SMPD4: variants seen among roughly 807,000 people sequenced by gnomAD.
SMPD4 encodes the protein neutral sphingomyelinase 3.
A neutral mutation model predicts 97.8 loss-of-function variants in SMPD4; 58 were observed. The ratio of observed to expected loss-of-function variants is 0.59; its 90% confidence interval spans 0.48 to 0.74. The LOEUF is 0.74. Ranked by LOEUF, SMPD4 falls within the 30% of genes least tolerant of loss-of-function variation. The pLI, the probability that SMPD4 is intolerant of heterozygous loss-of-function variation, is 0.00. For synonymous variants in SMPD4, 388 were observed against 450.0 expected, an observed-to-expected ratio of 0.86 and a Z score of 1.74; for missense variants, 853 against 1,080.5, an observed-to-expected ratio of 0.79 and a Z score of 2.95.
At chr2:130,160,805 G>A (rs1165250260) in intron 11 of SMPD4, among the ~76,000 whole-genome samples, 5 of 152,048 alleles carry the variant, frequency 3.3e-5, no homozygotes, top group Admixed American at 6.6e-5. Context: ...CTTCCTAAGC[G>A]CCAGACCCTG....
rs1325049882 is a variant in SMPD4, at chr2:130,154,440, C to T, written c.1496G>A (p.Arg499His). The change falls in exon 16 of 20, where the codon CGC becomes CAC. Residue 499 changes from arginine to histidine, a missense_variant. Around this residue, in one of 3 missense-constraint regions of SMPD4, gnomAD observed 511 missense variants for 608.1 expected, o/e 0.84. Coordinates refer to ENST00000680298, the MANE Select transcript of SMPD4 (RefSeq NM_017951.5). ...GGGGGCCGTGAAGAGTCGGTGCTGG[C>T]GGTGGGGGATGACCAGCTCTGGCTC... is the stretch of plus-strand genomic sequence containing the variant. ...FLEPELVIPHRQHRLFTAPTF... is the reference protein window; with the variant it reads ...FLEPELVIPHHQHRLFTAPTF... The T allele has an allele frequency of 3.2e-6, 5 of 1,567,028 alleles. No individual in the cohort carries two copies. Among genetic ancestry groups the T allele is most frequent in the African/African-American group, 2.7e-5 (2 of 73,450 alleles).
intron 9 of SMPD4, 131 bp downstream of exon 9, chr2:130,167,327 G>T: frequency 1.6e-6 from 2 of 1,265,050 alleles, no homozygotes; most frequent in Non-Finnish European, 2.2e-6. Context: ...CACCATGCTG[G>T]CCAGGTTGGT....
intron 8 of SMPD4, 76 bp from the exon 9 acceptor site, chr2:130,167,666 G>A: frequency 6.7e-7 from 1 of 1,489,870 alleles, no homozygotes; most frequent in Admixed American, 2.2e-5. Context: ...GGGGCAATCT[G>A]GATATCAAAA....
Position 130,172,638 on chromosome 2 carries a change from A to C in SMPD4, c.494T>G (p.Leu165Arg). The C allele has an allele frequency of 1.9e-6, 3 of 1,614,200 alleles. No individual in the cohort carries two copies. The South Asian group carries it at 3.3e-5, about 18-fold the overall frequency. The change falls in exon 7 of 20, where the codon CTC (leucine) becomes CGC (arginine). Residue 165 changes from leucine (L) to arginine (R), a missense_variant. By Grantham distance (102) the Leu-to-Arg change is moderately radical. Coordinates refer to ENST00000680298, the MANE Select transcript of SMPD4 (RefSeq NM_017951.5). Reference protein sequence around the residue: ...EYYIFFFALSLITQKPLPVSL... With the variant: ...EYYIFFFALSRITQKPLPVSL... ...TCCCTTCCTTACCTTCTGAGTGATG[A>C]GGCTCAAGGCAAAGAAGAATATGTA...
At chr2:130,155,322 G>A in intron 14 of SMPD4, 63 bp from the exon 15 acceptor site, 1 of 1,596,484 alleles carries the variant, frequency 6.3e-7, no homozygotes, top group South Asian at 1.1e-5. Context: ...CTAATGCCCG[G>A]TCCGTGCCCC....
intron 11 of SMPD4, chr2:130,158,405 C>T: frequency 2.9e-6 from 1 of 348,444 alleles, no homozygotes; most frequent in Non-Finnish European, 5.2e-6. Context: ...GCAACCTCCG[C>T]CTCCAGGTTC....
In SMPD4 at chr2:130,172,355, G is replaced by A; in HGVS notation, c.653C>T (p.Pro218Leu). 6.3e-7 allele frequency: 1 copy of A among 1,588,736 alleles called. No homozygotes were observed. Among genetic ancestry groups the A allele is most frequent in the Non-Finnish European group, 8.6e-7 (1 of 1,167,002 alleles). Reference protein sequence around the residue: ...SSPGGTSPSPPPRTPAIPFAS... With the variant: ...SSPGGTSPSPLPRTPAIPFAS... ...TAACAAAGGGCAGCCTTACCTGGGA[G>A]GTGGTGAGGGGCTGGTCCCCCCTGG... The change falls in exon 8 of 20, where the codon CCT (proline) becomes CTT (leucine). Residue 218 changes from proline to leucine, a missense_variant. By Grantham distance (98) the Pro-to-Leu change is moderately conservative. Transcript: ENST00000680298.
At chr2:130,160,849 TGAG>T (rs1687329790) in intron 11 of SMPD4, among the ~76,000 whole-genome samples, 1 of 152,140 alleles carries the variant, frequency 6.6e-6, no homozygotes, top group South Asian at 2.1e-4. Context: ...TGCTGAGGCC[TGAG>T]GACTCCAGCT....
rs762431943 is a variant in SMPD4 at position 130,157,270 on chromosome 2, G to A, written c.1078C>T (p.Pro360Ser). 2.6e-5 allele frequency: 40 copies of A among 1,551,330 alleles called. No homozygotes were observed. The highest frequency in any genetic ancestry group is 3.5e-5 in the Non-Finnish European group (40 of 1,146,974). Reference protein sequence around the residue: ...SPSAHSHATSPLEEFKRAAVP... With the variant: ...SPSAHSHATSSLEEFKRAAVP... ...ACCCACCGTTTGAACTCCTCCAGGG[G>A]GCTGGTGGCGTGGGAGTGGGCGGAG... Residue 360 changes from proline (P) to serine (S), a missense_variant, in exon 12 of 20, where the codon CCC becomes TCC. This residue lies in a region of SMPD4 where 29 missense variants were observed against 70.2 expected (regional missense o/e 0.41). Coordinates refer to ENST00000680298, the MANE Select transcript of SMPD4 (RefSeq NM_017951.5).
At chr2:130,158,238 G>C in intron 11 of SMPD4, 1 of 1,288,734 alleles carries the variant, frequency 7.8e-7, no homozygotes, top group Non-Finnish European at 1.0e-6. Flanking sequence ...AGAAGCCCCG[G>C]GCGTCACTTC....
rs1346733714 is a variant in SMPD4 at position 130,173,940 on chromosome 2, T to C, written c.127-284A>G. ...ATCAAAATACATTTTTTGTGTGTGA[T>C]AGAAGATTAAATTAAGAAAAATAAA... On this transcript the variant is annotated intron_variant, in intron 3 of 19. Coordinates refer to ENST00000680298, the MANE Select transcript of SMPD4 (RefSeq NM_017951.5). Among the ~76,000 whole-genome samples, 11 of 149,292 alleles carry C rather than the reference T, an allele frequency of 7.4e-5. No homozygotes were observed. The South Asian group carries it at 8.5e-4, about 12-fold the overall frequency.
intron 11 of SMPD4, 41 bp downstream of exon 11, chr2:130,161,145 A>G: frequency 6.3e-7 from 1 of 1,595,590 alleles, no homozygotes. Context: ...AGGCATGGAC[A>G]TGCACTCTGG....
In SMPD4 at chr2:130,152,724, C is replaced by G. The variant is rs769086776; in HGVS notation, c.2315G>C (p.Arg772Pro). 6.3e-7 allele frequency: 1 copy of G among 1,585,836 alleles called. No individual in the cohort carries two copies. The highest frequency in any genetic ancestry group is 1.8e-5 in the Admixed American group (1 of 55,202). The change falls in exon 20 of 20, where the codon CGC (arginine) becomes CCC (proline). Residue 772 changes from arginine (R) to proline (P), a missense_variant. Arg to Pro is a moderately radical substitution (Grantham distance 103). This residue lies in a region of SMPD4 where 511 missense variants were observed against 608.1 expected (regional missense o/e 0.84). Transcript: ENST00000680298. ...GHTRGPRLSLRFLGSYRTLVS... is the reference protein window; with the variant it reads ...GHTRGPRLSLPFLGSYRTLVS... ...CAGCGTCCGGTAACTGCCCAGGAAG[C>G]GCAGGCTGAGCCTGGGGCCGCGGGT...
At chr2:130,166,577 G>A (rs1687948703) in intron 9 of SMPD4, among the ~76,000 whole-genome samples, 1 of 152,166 alleles carries the variant, frequency 6.6e-6, no homozygotes, top group Non-Finnish European at 1.5e-5. Context: ...TTACATATAA[G>A]ATGGGAGATA....
At chr2:130,154,712 CA>C (rs1161400023) in intron 15 of SMPD4, 1 of 597,660 alleles carries the variant, frequency 1.7e-6, no homozygotes, top group African/African-American at 1.9e-5. Flanking sequence ...AGGAGGTAAA[CA>C]ACAGGAGGAT....
chr2:130,168,063 G>A (rs779648135), intron 8 of SMPD4, among the ~76,000 whole-genome samples: 33 of 152,148 alleles, frequency 2.2e-4, no homozygotes, highest in Admixed American at 9.8e-4. Flanking sequence ...TAAAACAGCT[G>A]GGCCTGGTGG....
chr2:130,177,342 A>G (rs1282522989), intron 1 of SMPD4, among the ~76,000 whole-genome samples: 2 of 152,130 alleles, frequency 1.3e-5, no homozygotes, highest in African/African-American at 2.4e-5. Context: ...TCAGCCTCCC[A>G]AAGTGCTGGG....
chr2:130,166,855 CCCT>C (rs1178036073), intron 9 of SMPD4, among the ~76,000 whole-genome samples: 1 of 152,240 alleles, frequency 6.6e-6, no homozygotes, highest in Non-Finnish European at 1.5e-5. Context: ...CTGCACAGAC[CCCT>C]CACCATTCAG....
At chr2:130,177,516 G>A (rs1028382520) in intron 1 of SMPD4, among the ~76,000 whole-genome samples, 2 of 151,948 alleles carry the variant, frequency 1.3e-5, no homozygotes, top group African/African-American at 4.8e-5. Flanking sequence ...TGGCTAACAT[G>A]GTGAAAACCC....
Sources: allele counts gnomAD v4.1 joint callset (sites outside exome capture counted in the v4.1 genomes callset), GRCh38; gene constraint gnomAD v4.1.1; regional missense constraint gnomAD v4.1.1; transcripts MANE v1.5; gene names NCBI Gene and HGNC (gene_info 2026-07-23, HGNC 2026-07-21).